Variants in NT5DC3 observed in about 807,000 individuals in gnomAD.
NT5DC3 encodes the protein 5'-nucleotidase domain-containing protein 3.
Under a neutral mutation model 67.8 loss-of-function variants are expected in NT5DC3, and 42 were observed. The ratio of observed to expected loss-of-function variants is 0.62; its 90% CI spans 0.48 to 0.80. The LOEUF (loss-of-function observed/expected upper bound fraction) is 0.80. Among genes scored for constraint, NT5DC3 ranks in the 30% least tolerant of loss-of-function variants. NT5DC3 has a pLI of 0.00. For missense variants in NT5DC3, 570 were observed against 696.4 expected (o/e 0.82, Z 2.04); for synonymous variants, 237 against 255.6 (o/e 0.93, Z 0.69).
intron 2 of NT5DC3, among the ~76,000 whole-genome samples, chr12:103,807,839 C>T (rs1242005424): frequency 6.6e-6 from 1 of 152,214 alleles, no homozygotes; most frequent in Non-Finnish European, 1.5e-5. Flanking sequence ...CTCATTCTCT[C>T]TCTTGCCTGC....
chr12:103,764,890 G>A, the NT5DC3 span, among the ~76,000 whole-genome samples: 1 of 151,934 alleles, frequency 6.6e-6, no homozygotes, highest in African/African-American at 2.4e-5. Context: ...CTGAGGTCAA[G>A]AGTTCAAGAC....
chr12:103,792,902 T>C (rs932701795), intron 9 of NT5DC3, among the ~76,000 whole-genome samples: 1 of 152,240 alleles, frequency 6.6e-6, no homozygotes, highest in Non-Finnish European at 1.5e-5. Flanking sequence ...GGCTTTCTCA[T>C]CACTGCCAAT....
At chr12:103,766,200 T>A, downstream of NT5DC3, 1 of 1,540,836 alleles carries the variant, frequency 6.5e-7, no homozygotes, top group Non-Finnish European at 9.0e-7. Context: ...GGGAGAGTCA[T>A]GCCTCAGACC....
intron 1 of NT5DC3, among the ~76,000 whole-genome samples, chr12:103,825,399 T>C (rs188557811): frequency 6.3e-4 from 96 of 152,282 alleles, no homozygotes; most frequent in Admixed American, 1.1e-3. Flanking sequence ...ATAGTAATGG[T>C]TTAATGACAA....
Position 103,777,622 on chromosome 12 carries a change from T to C in NT5DC3, c.*207A>G, listed in dbSNP as rs1885384587. 3 of 589,720 alleles carry C rather than the reference T, an allele frequency of 5.1e-6. No individual in the cohort carries two copies. The highest frequency in any genetic ancestry group is 8.6e-6 in the Non-Finnish European group (3 of 347,124). The allele number at this position is 589,720 out of a possible 1,614,324, so 36.5% of individuals were successfully genotyped here. Reference sequence around the variant, plus strand: ...AGAGTTCCAATGTGAAGCTTGCCTTTCAGCCCTGCATGGGGGGAAAGGCTG... The same window carrying C: ...AGAGTTCCAATGTGAAGCTTGCCTTCCAGCCCTGCATGGGGGGAAAGGCTG... On this transcript the variant is annotated 3_prime_UTR_variant, in exon 14 of 14. Coordinates refer to ENST00000392876, the MANE Select transcript of NT5DC3 (RefSeq NM_001031701.3).
At chr12:103,783,510 GA>G (rs1338398716) in intron 12 of NT5DC3, among the ~76,000 whole-genome samples, 1 of 152,144 alleles carries the variant, frequency 6.6e-6, no homozygotes, top group Non-Finnish European at 1.5e-5. Context: ...TCAGTGTCCA[GA>G]ACACGGTAAG....
rs1428692452 is a variant in NT5DC3 at position 103,796,987 on chromosome 12, G to A, written c.660C>T (p.Ser220=). 3 of 1,614,030 alleles carry A rather than the reference G, an allele frequency of 1.9e-6. No homozygotes were observed. The African/African-American group carries it at 4.0e-5, about 22-fold the overall frequency. The change falls in exon 6 of 14, where the codon TCC becomes TCT. Residue 220 remains serine, a synonymous_variant. Transcript: ENST00000392876. ...AGGACAGGAGGGTCATCTCGGGCAGGGAGAAGATGTCCATGAACTGCTTCA... is the reference window on the plus strand; with the variant it reads ...AGGACAGGAGGGTCATCTCGGGCAGAGAGAAGATGTCCATGAACTGCTTCA... ...NTMKQFMDIF[S]LPEMTLLSCV...
chr12:103,774,304 G>T lies in NT5DC3; in HGVS notation c.*3525C>A, dbSNP rs536475818. 3.0e-4 allele frequency: 46 copies of T among 152,330 alleles called. No individual in the cohort carries two copies. The highest frequency in any genetic ancestry group is 1.0e-3 in the African/African-American group (43 of 41,576). The allele number at this position is 152,330 out of a possible 1,614,324, so 9.4% of individuals were successfully genotyped here. A position where few individuals can be genotyped will look rare whatever the true frequency, so the allele number is the denominator to read the frequency against. On this transcript the variant is annotated 3_prime_UTR_variant, in exon 14 of 14. Transcript: ENST00000392876. ...ACAATTTTTTAAATGGCTGAAAACAGATTCATTTCCCTTGTACCAATATGC... is the reference window on the plus strand; with the variant it reads ...ACAATTTTTTAAATGGCTGAAAACATATTCATTTCCCTTGTACCAATATGC...
chr12:103,797,723 G>A (rs550087833), intron 5 of NT5DC3, among the ~76,000 whole-genome samples: 10 of 152,220 alleles, frequency 6.6e-5, no homozygotes, highest in African/African-American at 2.4e-4. Flanking sequence ...CTCCTGAACT[G>A]GAGCACGAAC....
chr12:103,829,092 G>T (rs1357367204), intron 1 of NT5DC3, among the ~76,000 whole-genome samples: 1 of 152,122 alleles, frequency 6.6e-6, no homozygotes, highest in Non-Finnish European at 1.5e-5. Flanking sequence ...TTTGTAATTG[G>T]TATATGCCTG....
the NT5DC3 span, among the ~76,000 whole-genome samples, chr12:103,750,316 G>A: frequency 1.3e-5 from 2 of 152,234 alleles, no homozygotes; most frequent in Non-Finnish European, 2.9e-5. Context: ...TGTGATAGAA[G>A]GGAATGGAAA....
intron 1 of NT5DC3, among the ~76,000 whole-genome samples, chr12:103,817,343 T>C (rs144717386): frequency 6.6e-6 from 1 of 152,376 alleles, no homozygotes; most frequent in African/African-American, 2.4e-5. Flanking sequence ...TATCCTATTT[T>C]GCTAAAATTA....
Position 103,775,556 on chromosome 12 carries a change from C to T in NT5DC3, c.*2273G>A, listed in dbSNP as rs567124439. On this transcript the variant is annotated 3_prime_UTR_variant, in exon 14 of 14. Coordinates refer to ENST00000392876, the MANE Select transcript of NT5DC3 (RefSeq NM_001031701.3). ...ACACCAGCGCATTCTTTTAGAACCC[C>T]GACACCGAGCAGTTCTGGGCGCAAC... 4 of 152,062 alleles carry T rather than the reference C, an allele frequency of 2.6e-5. No homozygotes were observed. The East Asian group carries it at 7.7e-4, about 29-fold the overall frequency. The allele number at this position is 152,062 out of a possible 1,614,324, so 9.4% of individuals were successfully genotyped here.
the NT5DC3 span, chr12:103,749,033 G>A: frequency 6.2e-7 from 1 of 1,614,132 alleles, no homozygotes; most frequent in South Asian, 1.1e-5. Context: ...AGGGCACGAA[G>A]GTCTCCTGCA....
downstream of NT5DC3, among the ~76,000 whole-genome samples, chr12:103,767,453 A>C (rs1252561401): frequency 6.6e-6 from 1 of 152,176 alleles, no homozygotes; most frequent in Non-Finnish European, 1.5e-5. Context: ...TTTTTGGATG[A>C]TGAGGAATTC....
In NT5DC3 at chr12:103,774,155, C is replaced by G. The variant is rs776459817; in HGVS notation, c.*3674G>C. The G allele has an allele frequency of 2.6e-5, 4 of 152,200 alleles. No homozygotes were observed. Among genetic ancestry groups the G allele is most frequent in the Non-Finnish European group, 5.9e-5 (4 of 68,034 alleles). The allele number at this position is 152,200 out of a possible 1,614,324, so 9.4% of individuals were successfully genotyped here. A position where few individuals can be genotyped will look rare whatever the true frequency, so the allele number is the denominator to read the frequency against. On this transcript the variant is annotated 3_prime_UTR_variant, in exon 14 of 14. Coordinates refer to ENST00000392876, the MANE Select transcript of NT5DC3 (RefSeq NM_001031701.3). ...AGGGACCTCCATGGGCCTTGCTGGA[C>G]TGTCATATTTGTGATGGCTGCTGCC... is the stretch of plus-strand genomic sequence containing the variant.
At chr12:103,839,402 C>T (rs528059057) in intron 1 of NT5DC3, among the ~76,000 whole-genome samples, 33 of 152,108 alleles carry the variant, frequency 2.2e-4, no homozygotes, top group Non-Finnish European at 4.1e-4. Context: ...GTGTGAGCCA[C>T]GACGCCTGCC....
chr12:103,762,533 C>G, the NT5DC3 span: 1 of 1,387,780 alleles, frequency 7.2e-7, no homozygotes, highest in Non-Finnish European at 9.9e-7. Flanking sequence ...GTAGCAGGGG[C>G]GGCCACCCAC....
the NT5DC3 span, among the ~76,000 whole-genome samples, chr12:103,756,996 A>AATATAT: frequency 0.058 from 3,230 of 55,322 alleles, 54 homozygotes; most frequent in East Asian, 0.094. Context: ...AAGGAGGGAA[A>AATATAT]ATATATATAT....
Sources: gnomAD v4.1 joint callset for allele counts (sites outside exome capture counted in the v4.1 genomes callset) on GRCh38, gnomAD v4.1.1 for gene constraint, MANE v1.5 for transcripts, NCBI Gene and HGNC (gene_info 2026-07-23, HGNC 2026-07-21) for gene names.